Variants in HECW1 observed in about 807,000 individuals in gnomAD.
The protein encoded by HECW1 is HECT, C2 and WW domain containing E3 ubiquitin protein ligase 1, also known as E3 ubiquitin-protein ligase HECW1.
In HECW1, 61 loss-of-function variants were observed where a neutral mutation model predicts 182.3. The observed-to-expected ratio is 0.33, with a 90% CI of 0.27 to 0.41. HECW1 has a LOEUF of 0.41. Among genes scored for constraint, HECW1 ranks in the 10% least tolerant of loss-of-function variants. HECW1 has a pLI of 1.00. For missense variants in HECW1, 1,739 were observed against 2,108.9 expected (o/e 0.82, Z 3.44); for synonymous variants, 859 against 832.6 (o/e 1.03, Z -0.55).
At chr7:43,210,560 G>C (rs6975782) in intron 2 of HECW1, among the ~76,000 whole-genome samples, 1 of 151,760 alleles carries the variant, frequency 6.6e-6, no homozygotes, top group Non-Finnish European at 1.5e-5. Context: ...CCTCGTGTTC[G>C]CTAACCTGGG....
At chr7:43,555,442 G>A (rs1475592813) in intron 29 of HECW1, among the ~76,000 whole-genome samples, 6 of 152,142 alleles carry the variant, frequency 3.9e-5, no homozygotes, top group African/African-American at 1.4e-4. Context: ...TTCCTGATCA[G>A]GAAGCACTGA....
At chr7:43,173,310 G>A (rs1365471411) in intron 2 of HECW1, among the ~76,000 whole-genome samples, 2 of 152,170 alleles carry the variant, frequency 1.3e-5, no homozygotes, top group Admixed American at 6.5e-5. Flanking sequence ...TGGAAAGAAC[G>A]GTTTGGTTTC....
At chr7:43,124,225 C>G (rs1482090920) in intron 2 of HECW1, among the ~76,000 whole-genome samples, 2 of 152,202 alleles carry the variant, frequency 1.3e-5, no homozygotes, top group African/African-American at 4.8e-5. Flanking sequence ...TTTGAAATTT[C>G]ATTTTAGAGG....
chr7:43,484,570 T>A (rs1334268512), intron 17 of HECW1: 1 of 152,240 alleles, frequency 6.6e-6, no homozygotes, highest in Non-Finnish European at 1.5e-5. Context: ...TTGATTTTTT[T>A]ATAAATTGCA....
intron 3 of HECW1, among the ~76,000 whole-genome samples, chr7:43,271,268 G>A (rs1448678312): frequency 6.6e-6 from 1 of 152,098 alleles, no homozygotes; most frequent in African/African-American, 2.4e-5. Context: ...TATGGAATGA[G>A]CAAAAACTGG....
intron 2 of HECW1, among the ~76,000 whole-genome samples, chr7:43,210,238 T>C (rs558131315): frequency 7.2e-5 from 11 of 152,184 alleles, no homozygotes; most frequent in Non-Finnish European, 1.2e-4. Flanking sequence ...GAAGTTGATG[T>C]GTCTGTTGTC....
At chr7:43,494,919 C>T (rs962653138) in intron 19 of HECW1, among the ~76,000 whole-genome samples, 2 of 152,118 alleles carry the variant, frequency 1.3e-5, no homozygotes, top group Non-Finnish European at 2.9e-5. Context: ...CCACCTCCAC[C>T]ACACAGGCTG....
In HECW1 at chr7:43,466,453, G is replaced by A. The variant is rs781427683; in HGVS notation, c.2798G>A (p.Arg933Lys). 1.9e-6 allele frequency: 3 copies of A among 1,613,570 alleles called. No homozygotes were observed. Among genetic ancestry groups the A allele is most frequent in the Non-Finnish European group, 2.5e-6 (3 of 1,179,670 alleles). The stretch of plus-strand genomic sequence containing the variant: ...TTGCTTCACTTTTTTTCAGATCTAA[G>A]GAGAGAAGGGTCACTTTCTCCAGTG... The part of the protein sequence containing the change: ...AESSQSSLDL[R>K]REGSLSPVNS... The change falls in exon 15 of 30, where the codon AGG becomes AAG. Residue 933 changes from arginine to lysine, a missense_variant. By Grantham distance (26) the Arg-to-Lys change is conservative (BLOSUM62 2). This residue lies in a region of HECW1 where 971 missense variants were observed against 1,029.1 expected (regional missense o/e 0.94). Coordinates refer to ENST00000395891, the MANE Select transcript of HECW1 (RefSeq NM_015052.5).
intron 19 of HECW1, 79 bp downstream of exon 19, chr7:43,493,259 C>T (rs1040837746): frequency 4.6e-6 from 4 of 878,988 alleles, no homozygotes; most frequent in African/African-American, 3.4e-5. Flanking sequence ...TCTGTGGAGA[C>T]AGAGCGGAAG....
chr7:43,114,367 A>G lies in HECW1; in HGVS notation c.-56A>G, dbSNP rs1228270097. On this transcript the variant is annotated 5_prime_UTR_variant, in exon 2 of 30. Coordinates refer to ENST00000395891, the MANE Select transcript of HECW1 (RefSeq NM_015052.5). Reference sequence around the variant, plus strand: ...CCAGATCTGCGTTTCTCATCAGCAGACTCACTCCGGCTGTGGCTATTACGG... The same window carrying G: ...CCAGATCTGCGTTTCTCATCAGCAGGCTCACTCCGGCTGTGGCTATTACGG... The G allele has an allele frequency of 1.5e-6, 2 of 1,354,038 alleles. No homozygotes were observed. The highest frequency in any genetic ancestry group is 1.9e-6 in the Non-Finnish European group (2 of 1,028,442). 83.9% of individuals were successfully genotyped at this position (1,354,038 alleles called of 1,614,324 possible). A position where few individuals can be genotyped will look rare whatever the true frequency, so the allele number is the denominator to read the frequency against.
At chr7:43,195,704 T>C (rs1583913646) in intron 2 of HECW1, among the ~76,000 whole-genome samples, 2 of 152,214 alleles carry the variant, frequency 1.3e-5, no homozygotes, top group Middle Eastern at 6.8e-3. Context: ...AGTTGGGAGA[T>C]TTATTTGCAA....
chr7:43,129,647 G>A (rs113016795), intron 2 of HECW1, among the ~76,000 whole-genome samples: 58 of 152,244 alleles, frequency 3.8e-4, no homozygotes, highest in African/African-American at 1.3e-3. Context: ...AACGGATAAA[G>A]GACAAAATAA....
At chr7:43,360,115 T>C (rs1464970493) in intron 5 of HECW1, among the ~76,000 whole-genome samples, 1 of 152,188 alleles carries the variant, frequency 6.6e-6, no homozygotes, top group East Asian at 1.9e-4. Context: ...TACAGGGACT[T>C]ATTCATTGTC....
intron 3 of HECW1, among the ~76,000 whole-genome samples, chr7:43,306,527 C>A (rs1807595313): frequency 6.6e-6 from 1 of 152,118 alleles, no homozygotes. Context: ...CTAAGTAATG[C>A]CAGTTTCTAT....
intron 2 of HECW1, among the ~76,000 whole-genome samples, chr7:43,139,824 G>T (rs1457084219): frequency 1.3e-5 from 2 of 151,798 alleles, no homozygotes; most frequent in African/African-American, 4.8e-5. Flanking sequence ...GGGCAAATTT[G>T]GGGATCAGAT....
intron 2 of HECW1, among the ~76,000 whole-genome samples, chr7:43,156,188 A>G (rs1789863144): frequency 6.6e-6 from 1 of 152,236 alleles, no homozygotes; most frequent in Admixed American, 6.5e-5. Context: ...ATGAAAGACT[A>G]CCATATAAAG....
At chr7:43,360,861 G>A in intron 5 of HECW1, 25 bp from the exon 6 acceptor site, 1 of 1,565,960 alleles carries the variant, frequency 6.4e-7, no homozygotes, top group Non-Finnish European at 8.8e-7. Context: ...CTACTTCTCA[G>A]TCTCATTTTT....
At chr7:43,327,189 C>T (rs1307477097) in intron 5 of HECW1, among the ~76,000 whole-genome samples, 2 of 112,304 alleles carry the variant, frequency 1.8e-5, no homozygotes, top group Non-Finnish European at 3.8e-5. Flanking sequence ...AGACTGAACC[C>T]CACCTGTGCA....
chr7:43,488,332 AAGGAAGGAAGGAAGGAAGG>A (rs1375522644), intron 17 of HECW1, among the ~76,000 whole-genome samples: 1 of 2,944 alleles, frequency 3.4e-4, no homozygotes. Context: ...AAGAGGAAGG[AAGGAAGGAAGGAAGGAAGG>A]AAGGAAGGAA....
Sources: allele counts gnomAD v4.1 joint callset (sites outside exome capture counted in the v4.1 genomes callset), GRCh38; gene constraint gnomAD v4.1.1; regional missense constraint gnomAD v4.1.1; transcripts MANE v1.5; gene names NCBI Gene and HGNC (gene_info 2026-07-23, HGNC 2026-07-21).